PRELID3A: variants seen among roughly 807,000 people sequenced by gnomAD.
PRELID3A encodes the protein PRELI domain containing 3A.
PRELID3A carries 27 observed loss-of-function variants against 23.0 expected under a neutral mutation model. The ratio of observed to expected loss-of-function variants is 1.17; its 90% CI spans 0.87 to 1.62. PRELID3A has a LOEUF of 1.62. Ranked by LOEUF, PRELID3A falls within the 40% of genes most tolerant of loss-of-function variation. PRELID3A has a pLI of 0.00. For synonymous variants in PRELID3A, 87 were observed against 86.4 expected, an observed-to-expected ratio of 1.01 and a Z score of -0.04; for missense variants, 231 against 231.4, an observed-to-expected ratio of 1.00 and a Z score of 0.01.
chr18:12,421,470 A>G (rs926215037), intron 2 of PRELID3A, 70 bp from the exon 3 acceptor site: 42 of 914,456 alleles, frequency 4.6e-5, no homozygotes, highest in Non-Finnish European at 7.2e-5. Flanking sequence ...AGTAAATGCA[A>G]TGGTATTCGG....
At chr18:12,423,578 C>T (rs987356853) in intron 3 of PRELID3A, among the ~76,000 whole-genome samples, 4 of 152,162 alleles carry the variant, frequency 2.6e-5, no homozygotes, top group Non-Finnish European at 5.9e-5. Context: ...TTGCTTTGCA[C>T]ATCTTGAGTA....
intron 3 of PRELID3A, among the ~76,000 whole-genome samples, chr18:12,423,171 G>A (rs1390250364): frequency 6.6e-6 from 1 of 152,128 alleles, no homozygotes; most frequent in Non-Finnish European, 1.5e-5. Context: ...ACAAACAGAT[G>A]GCGTTAGAGA....
At chr18:12,420,300 A>ACCGC (rs752951855) in intron 1 of PRELID3A, 25 bp from the exon 2 acceptor site, 1 of 1,577,152 alleles carries the variant, frequency 6.3e-7, no homozygotes, top group Non-Finnish European at 8.6e-7. Flanking sequence ...GCGCTTGCTC[A>ACCGC]CCGCCGCCTA....
chr18:12,413,219 C>T (rs568925004), intron 1 of PRELID3A, among the ~76,000 whole-genome samples: 2 of 152,244 alleles, frequency 1.3e-5, no homozygotes, highest in African/African-American at 4.8e-5. Flanking sequence ...CGGGGGTAAT[C>T]GGTTGAGCTC....
chr18:12,427,997 T>C (rs1160412278), intron 5 of PRELID3A, among the ~76,000 whole-genome samples: 1 of 152,202 alleles, frequency 6.6e-6, no homozygotes, highest in Non-Finnish European at 1.5e-5. Context: ...ATACAAGGTG[T>C]TAACAGTGTC....
chr18:12,429,020 G>A (rs959296209), intron 5 of PRELID3A, among the ~76,000 whole-genome samples: 2 of 152,180 alleles, frequency 1.3e-5, no homozygotes, highest in African/African-American at 4.8e-5. Context: ...TGGGGTTGGG[G>A]GTGCGTGGAG....
intron 1 of PRELID3A, among the ~76,000 whole-genome samples, chr18:12,408,469 C>G (rs1480146918): frequency 6.6e-6 from 1 of 152,184 alleles, no homozygotes; most frequent in Non-Finnish European, 1.5e-5. Flanking sequence ...ACGGAGGGCC[C>G]ACGGCGGGCT....
chr18:12,415,076 G>A (rs1039262653), intron 1 of PRELID3A, among the ~76,000 whole-genome samples: 5 of 151,762 alleles, frequency 3.3e-5, no homozygotes, highest in Non-Finnish European at 2.9e-5. Context: ...CTATGGTTGC[G>A]AGCTACCACA....
intron 1 of PRELID3A, 148 bp from the exon 2 acceptor site, chr18:12,420,177 G>A (rs912923037): frequency 2.2e-5 from 31 of 1,432,202 alleles, no homozygotes; most frequent in Non-Finnish European, 2.7e-5. Context: ...GGGAGGGCTC[G>A]CGGGACTCCT....
intron 2 of PRELID3A, among the ~76,000 whole-genome samples, chr18:12,420,926 C>A (rs920479045): frequency 1.3e-5 from 2 of 152,082 alleles, no homozygotes; most frequent in Admixed American, 1.3e-4. Flanking sequence ...CTGCCAGGCG[C>A]CCCTCCTCCT....
At chr18:12,428,686 G>A (rs1224771773) in intron 5 of PRELID3A, among the ~76,000 whole-genome samples, 5 of 152,208 alleles carry the variant, frequency 3.3e-5, no homozygotes, top group Non-Finnish European at 5.9e-5. Context: ...GTAGGGCAGC[G>A]AAGGCCAAAG....
At chr18:12,419,330 A>G (rs1271939277) in intron 1 of PRELID3A, among the ~76,000 whole-genome samples, 2 of 146,402 alleles carry the variant, frequency 1.4e-5, no homozygotes, top group African/African-American at 5.1e-5. Flanking sequence ...CATATCAAAA[A>G]AAAAAAAAAA....
chr18:12,418,079 A>G (rs1018587807), intron 1 of PRELID3A, among the ~76,000 whole-genome samples: 2 of 152,194 alleles, frequency 1.3e-5, no homozygotes, highest in African/African-American at 4.8e-5. Flanking sequence ...GGGTAAAGTA[A>G]ATTACTGATC....
At chr18:12,428,020 C>G (rs970815290) in intron 5 of PRELID3A, among the ~76,000 whole-genome samples, 7 of 152,220 alleles carry the variant, frequency 4.6e-5, no homozygotes, top group Non-Finnish European at 8.8e-5. Flanking sequence ...GTAGGCTATT[C>G]AGGACTTATA....
chr18:12,408,817 G>T (rs890961058), intron 1 of PRELID3A, among the ~76,000 whole-genome samples: 9 of 152,066 alleles, frequency 5.9e-5, no homozygotes, highest in Non-Finnish European at 1.0e-4. Flanking sequence ...CACCTTCCCG[G>T]GTAATGCATA....
At chr18:12,430,503 GGTGTGTGATGTGCGTGTGTGGGGT>G (rs1422350051) in intron 6 of PRELID3A, among the ~76,000 whole-genome samples, 1 of 99,026 alleles carries the variant, frequency 1.0e-5, no homozygotes. Flanking sequence ...TGTGTATGCT[GGTGTGTGATGTGCGTGTGTGGGGT>G]GTGTGTGATG....
intron 1 of PRELID3A, among the ~76,000 whole-genome samples, chr18:12,415,138 C>T (rs1293303619): frequency 2.0e-5 from 3 of 152,022 alleles, no homozygotes; most frequent in Admixed American, 1.3e-4. Context: ...CTCTATTGCG[C>T]AGGCTGGTCT....
chr18:12,411,391 G>A (rs1407842851), intron 1 of PRELID3A, among the ~76,000 whole-genome samples: 2 of 150,814 alleles, frequency 1.3e-5, no homozygotes, highest in African/African-American at 4.9e-5. Flanking sequence ...GCATGAACCC[G>A]GGAGGCAGAA....
rs564685708 is a variant in PRELID3A at position 12,408,544 on chromosome 18, G to GT, written c.32+538dup. 1.6e-4 allele frequency among the ~76,000 whole-genome samples: 25 copies of GT among 152,322 alleles called. No individual in the cohort carries two copies. In the South Asian group the frequency reaches 4.8e-3, roughly 29 times the overall value. Reference sequence around the variant, plus strand: ...GGGGGCCCTGGCTCTGAACTCACTTGTAGGCATGGAAGGCCTCCAAGCTAG... The same window carrying GT: ...GGGGGCCCTGGCTCTGAACTCACTTGTTAGGCATGGAAGGCCTCCAAGCTAG... On this transcript the variant is annotated intron_variant, in intron 1 of 6. Transcript: ENST00000440960.
Sources: gnomAD v4.1 joint callset for allele counts (sites outside exome capture counted in the v4.1 genomes callset) on GRCh38, gnomAD v4.1.1 for gene constraint, MANE v1.5 for transcripts, NCBI Gene and HGNC (gene_info 2026-07-23, HGNC 2026-07-21) for gene names.